The following USP15 variants were observed in gnomAD, a reference collection of about 807,000 sequenced individuals.
USP15 encodes ubiquitin specific peptidase 15, also known as ubiquitin carboxyl-terminal hydrolase 15.
A neutral mutation model predicts 127.1 loss-of-function variants in USP15; 18 were observed. That is an observed-to-expected ratio of 0.14 (90% CI 0.10 to 0.21). USP15 has a LOEUF of 0.21. USP15 is among the 10% of genes least tolerant of loss of function. The pLI, the probability that USP15 is intolerant of heterozygous loss-of-function variation, is 1.00. For missense variants in USP15, 805 were observed against 1,159.9 expected, an observed-to-expected ratio of 0.69 and a Z score of 4.44; for synonymous variants, 364 against 393.7, an observed-to-expected ratio of 0.92 and a Z score of 0.89.
rs953992269 is a variant in USP15, at chr12:62,413,752, T to C, written c.*9377T>C. The C allele has an allele frequency of 1.3e-5, 2 of 152,216 alleles. No homozygotes were observed. Among genetic ancestry groups the C allele is most frequent in the Non-Finnish European group, 2.9e-5 (2 of 68,034 alleles). The allele number at this position is 152,216 out of a possible 1,614,324, so 9.4% of individuals were successfully genotyped here. A position where few individuals can be genotyped will look rare whatever the true frequency, so the allele number is the denominator to read the frequency against. ...AAACTCAGGCTTTCTCTATACCACTTTTCTTATGATTCATGTGTTCACTTG... is the reference window on the plus strand; with the variant it reads ...AAACTCAGGCTTTCTCTATACCACTCTTCTTATGATTCATGTGTTCACTTG... On this transcript the variant is annotated 3_prime_UTR_variant, in exon 22 of 22. Coordinates refer to ENST00000280377, the MANE Select transcript of USP15 (RefSeq NM_001252078.2).
At chr12:62,382,706 G>C (rs1019642235) in intron 9 of USP15, among the ~76,000 whole-genome samples, 1 of 151,860 alleles carries the variant, frequency 6.6e-6, no homozygotes, top group Non-Finnish European at 1.5e-5. Flanking sequence ...ACTTAGTGAT[G>C]AAAGATTAGG....
intron 3 of USP15, among the ~76,000 whole-genome samples, chr12:62,309,789 TCTC>T (rs1209551538): frequency 6.6e-6 from 1 of 151,586 alleles, no homozygotes; most frequent in Non-Finnish European, 1.5e-5. Flanking sequence ...AGAAAAATAA[TCTC>T]AATAGAGATA....
At chr12:62,286,459 A>C (rs2063788208) in intron 1 of USP15, among the ~76,000 whole-genome samples, 2 of 152,360 alleles carry the variant, frequency 1.3e-5, no homozygotes, top group South Asian at 4.1e-4. Context: ...GTGGAAAGAA[A>C]GCAGTTTGGA....
rs1163340196 is a variant in USP15, at chr12:62,410,176, T to C, written c.*5801T>C. Reference sequence around the variant, plus strand: ...ATATTTAAATTGTCTGATAAGTTCATCCAAATTAATCCCATCATGCCTGTT... The same window carrying C: ...ATATTTAAATTGTCTGATAAGTTCACCCAAATTAATCCCATCATGCCTGTT... On this transcript the variant is annotated 3_prime_UTR_variant, in exon 22 of 22. Transcript: ENST00000280377. The C allele has an allele frequency of 6.6e-6, 1 of 152,108 alleles. No individual in the cohort carries two copies. The highest frequency in any genetic ancestry group is 2.4e-5 in the African/African-American group (1 of 41,434). The allele number at this position is 152,108 out of a possible 1,614,324, so 9.4% of individuals were successfully genotyped here.
intron 3 of USP15, among the ~76,000 whole-genome samples, chr12:62,310,945 A>G (rs1264677268): frequency 6.6e-6 from 1 of 151,834 alleles, no homozygotes. Flanking sequence ...GTGATATCTC[A>G]TTGTGGTTTT....
At chr12:62,297,623 A>G (rs1441166830) in intron 2 of USP15, among the ~76,000 whole-genome samples, 5 of 152,216 alleles carry the variant, frequency 3.3e-5, no homozygotes, top group African/African-American at 4.8e-5. Flanking sequence ...CAGAAAAGAC[A>G]TATCCACAAA....
intron 5 of USP15, among the ~76,000 whole-genome samples, chr12:62,322,278 C>T (rs1323355574): frequency 3.9e-5 from 6 of 152,172 alleles, no homozygotes; most frequent in Admixed American, 3.9e-4. Flanking sequence ...CAGACATGTG[C>T]CACCACACCC....
chr12:62,355,286 G>A, intron 7 of USP15, 45 bp from the exon 8 acceptor site: 1 of 1,499,756 alleles, frequency 6.7e-7, no homozygotes, highest in Non-Finnish European at 9.0e-7. Context: ...TTATAAATAT[G>A]TTGTAATATA....
intron 1 of USP15, among the ~76,000 whole-genome samples, chr12:62,264,623 A>G (rs553781529): frequency 2.8e-4 from 42 of 152,330 alleles, no homozygotes; most frequent in African/African-American, 8.9e-4. Context: ...TAGACAAGAG[A>G]CATTGATTTC....
At chr12:62,367,571 A>C (rs978268920) in intron 8 of USP15, among the ~76,000 whole-genome samples, 1 of 152,150 alleles carries the variant, frequency 6.6e-6, no homozygotes, top group South Asian at 2.1e-4. Context: ...TGTGTCCAGG[A>C]ATTTATCCAT....
At position 62,362,523 on chromosome 12, in the gene USP15, A is replaced by G. The variant is rs563534881; in HGVS notation, c.915+7048A>G. Among the ~76,000 whole-genome samples the G allele has an allele frequency of 7.9e-5, 12 of 152,224 alleles. No individual in the cohort carries two copies. The South Asian group carries it at 8.3e-4, about 11-fold the overall frequency. ...ATTCTTCTGAGTATCACTGGTGGAT[A>G]TTTTTCATCCTTCAATGACAAAGTT... On this transcript the variant is annotated intron_variant, in intron 8 of 21. Coordinates refer to ENST00000280377, the MANE Select transcript of USP15 (RefSeq NM_001252078.2).
At chr12:62,303,358 T>C (rs1284773434) in intron 3 of USP15, 1 of 152,808 alleles carries the variant, frequency 6.5e-6, no homozygotes, top group Admixed American at 6.5e-5. Context: ...AAAATGTAGA[T>C]TTTTTTTCAT....
rs2068046243 is a variant in USP15, at chr12:62,411,714, TCA to T, written c.*7342_*7343del. On this transcript the variant is annotated 3_prime_UTR_variant, in exon 22 of 22. Coordinates refer to ENST00000280377, the MANE Select transcript of USP15 (RefSeq NM_001252078.2). Reference sequence around the variant, plus strand: ...GCTTAAATAACAGAAATTTATATTTTCACAGTTCTGGAGGCTGGGAATCTGAG... The same window carrying T: ...GCTTAAATAACAGAAATTTATATTTTCAGTTCTGGAGGCTGGGAATCTGAG... The T allele has an allele frequency of 1.3e-5, 2 of 152,348 alleles. No homozygotes were observed. The highest frequency in any genetic ancestry group is 4.8e-5 in the African/African-American group (2 of 41,574). 9.4% of individuals were successfully genotyped at this position (152,348 alleles called of 1,614,324 possible). A position where few individuals can be genotyped will look rare whatever the true frequency, so the allele number is the denominator to read the frequency against.
intron 1 of USP15, chr12:62,279,022 TTAACA>T (rs1486871127): frequency 6.6e-6 from 1 of 152,162 alleles, no homozygotes; most frequent in African/African-American, 2.4e-5. Flanking sequence ...GTAAGAATAC[TTAACA>T]TGAGCGCTGC....
chr12:62,366,864 A>G (rs574449687), intron 8 of USP15, among the ~76,000 whole-genome samples: 26 of 152,254 alleles, frequency 1.7e-4, no homozygotes, highest in African/African-American at 6.3e-4. Context: ...ATTGATTTGC[A>G]TATGTTGAAC....
chr12:62,342,773 G>A (rs1012342292), intron 6 of USP15, among the ~76,000 whole-genome samples: 5 of 152,164 alleles, frequency 3.3e-5, no homozygotes, highest in Admixed American at 6.5e-5. Context: ...TCCTCTGGAA[G>A]CTTCGTCCCA....
chr12:62,391,764 T>C (rs1362804928), intron 16 of USP15, 52 bp from the exon 17 acceptor site: 1 of 1,424,742 alleles, frequency 7.0e-7, no homozygotes. Flanking sequence ...AAAATATACT[T>C]TAATACTAAG....
At chr12:62,294,055 T>A in intron 1 of USP15, 124 bp from the exon 2 acceptor site, 1 of 1,017,446 alleles carries the variant, frequency 9.8e-7, no homozygotes, top group African/African-American at 1.6e-5. Flanking sequence ...GCATTACAGT[T>A]TTCAAATATC....
intron 6 of USP15, among the ~76,000 whole-genome samples, chr12:62,346,862 AT>A (rs2137409989): frequency 6.6e-6 from 1 of 152,224 alleles, no homozygotes; most frequent in East Asian, 1.9e-4. Flanking sequence ...TTTACTGGTA[AT>A]TCCCTGAACA....
Sources: gnomAD v4.1 joint callset for allele counts (sites outside exome capture counted in the v4.1 genomes callset) on GRCh38, gnomAD v4.1.1 for gene constraint, MANE v1.5 for transcripts, NCBI Gene and HGNC (gene_info 2026-07-23, HGNC 2026-07-21) for gene names.